Variants in CLEC18A observed in about 807,000 individuals in gnomAD.
CLEC18A encodes C-type lectin domain family 18 member A.
A neutral mutation model predicts 24.0 loss-of-function variants in CLEC18A; 5 were observed. The observed-to-expected ratio is 0.21, with a 90% CI of 0.11 to 0.44. The LOEUF is 0.44. CLEC18A is among the 20% of genes least tolerant of loss of function. CLEC18A has a pLI of 0.99. For synonymous variants in CLEC18A, 29 were observed against 100.1 expected, an observed-to-expected ratio of 0.29 and a Z score of 4.24; for missense variants, 83 against 233.4, an observed-to-expected ratio of 0.36 and a Z score of 4.20.
At chr16:69,950,988 G>A (rs1254208799), upstream of CLEC18A, 2 of 255,370 alleles carry the variant, frequency 7.8e-6, no homozygotes, top group Non-Finnish European at 1.6e-5. Flanking sequence ...CCAGGACACG[G>A]CCATCGGTCA....
upstream of CLEC18A, among the ~76,000 whole-genome samples, chr16:69,949,772 G>GATCA (rs1292618684): frequency 1.2e-4 from 16 of 129,256 alleles, no homozygotes; most frequent in African/African-American, 4.1e-4. Flanking sequence ...CCAGGAGTTG[G>GATCA]AGACCAGCCT....
upstream of CLEC18A, among the ~76,000 whole-genome samples, chr16:69,946,392 A>ATT (rs56112480): frequency 8.4e-3 from 703 of 83,776 alleles, no homozygotes; most frequent in African/African-American, 0.02. Context: ...ATGTGTATGG[A>ATT]TTTTTTTTTT....
chr16:69,954,698 T>G, intron 3 of CLEC18A, 125 bp downstream of exon 3: 1 of 1,493,730 alleles, frequency 6.7e-7, no homozygotes, highest in Non-Finnish European at 8.9e-7. Flanking sequence ...TGGTTTAGTT[T>G]TACTTTTTTT....
upstream of CLEC18A, among the ~76,000 whole-genome samples, chr16:69,946,020 G>C (rs1233913420): frequency 6.9e-6 from 1 of 144,706 alleles, no homozygotes; most frequent in Non-Finnish European, 1.5e-5. Flanking sequence ...TTAAACCGAA[G>C]GGGTGGAAGT....
upstream of CLEC18A, among the ~76,000 whole-genome samples, chr16:69,949,119 T>G (rs1008868614): frequency 3.8e-5 from 5 of 132,988 alleles, no homozygotes; most frequent in Non-Finnish European, 7.8e-5. Context: ...GCCCAGCTAA[T>G]TTTTGTATTT....
intron 3 of CLEC18A, among the ~76,000 whole-genome samples, chr16:69,955,192 A>G: frequency 6.7e-6 from 1 of 150,088 alleles, no homozygotes; most frequent in African/African-American, 2.5e-5. Flanking sequence ...TAGTAGAGAC[A>G]GGGTTTCACC....
chr16:69,945,627 A>G, the CLEC18A span, among the ~76,000 whole-genome samples: 1 of 152,268 alleles, frequency 6.6e-6, no homozygotes, highest in Middle Eastern at 3.2e-3. Flanking sequence ...GGCACATGCC[A>G]CCAAACCTGG....
chr16:69,962,998 C>T lies in CLEC18A; in HGVS notation c.1234C>T (p.Gln412Ter), dbSNP rs2059077211. 1 of 1,612,006 alleles carries T rather than the reference C, an allele frequency of 6.2e-7. No individual in the cohort carries two copies. The highest frequency in any genetic ancestry group is 1.1e-5 in the South Asian group (1 of 90,976). The part of the protein sequence containing the change: ...NHGFGNCVEL[Q>*]ASAAFNWNDQ... ...CAGGTTTGGCAACTGCGTGGAGCTG[C>T]AGGCTTCAGCTGCCTTCAACTGGAA... Residue 412 changes from glutamine to a stop codon, truncating the protein, a stop_gained, in exon 11 of 12, where the codon CAG becomes TAG. Transcript: ENST00000288040. LOFTEE classifies it high-confidence loss of function.
upstream of CLEC18A, among the ~76,000 whole-genome samples, chr16:69,948,652 CAAT>C (rs920448987): frequency 1.3e-5 from 2 of 149,800 alleles, no homozygotes; most frequent in African/African-American, 4.9e-5. Context: ...TGCCTTGCAA[CAAT>C]GAGGCTGCCC....
chr16:69,965,498 G>A (rs1380579107), downstream of CLEC18A, among the ~76,000 whole-genome samples: 1 of 151,460 alleles, frequency 6.6e-6, no homozygotes, highest in African/African-American at 2.4e-5. Context: ...AGGCCGGGGG[G>A]CGGTGGGGAC....
chr16:69,945,489 G>A, the CLEC18A span, among the ~76,000 whole-genome samples: 192 of 151,950 alleles, frequency 1.3e-3, no homozygotes, highest in African/African-American at 2.9e-3. Flanking sequence ...TTGCCTTTCC[G>A]TGCAAATTTT....
chr16:69,950,170 C>T (rs1312545738), upstream of CLEC18A, among the ~76,000 whole-genome samples: 2 of 124,222 alleles, frequency 1.6e-5, no homozygotes, highest in Non-Finnish European at 3.8e-5. Context: ...GCATCCATGA[C>T]GATAGCCACA....
chr16:69,951,741 A>AC (rs2058951691), intron 1 of CLEC18A: 1 of 278,778 alleles, frequency 3.6e-6, no homozygotes, highest in Non-Finnish European at 5.4e-6. Context: ...GGGCCTGGAG[A>AC]AATCCGTGGC....
chr16:69,965,856 C>CG (rs1424537228), downstream of CLEC18A, among the ~76,000 whole-genome samples: 1 of 58,384 alleles, frequency 1.7e-5, no homozygotes, highest in Non-Finnish European at 2.9e-5. Context: ...CGGCTCCCGC[C>CG]GGGCTGGGCC....
chr16:69,944,665 T>A, the CLEC18A span, among the ~76,000 whole-genome samples: 3 of 150,858 alleles, frequency 2.0e-5, no homozygotes, highest in Non-Finnish European at 4.4e-5. Context: ...TGAAACCCCA[T>A]CTCTACTAAA....
At chr16:69,964,254 G>C (rs1313800064), downstream of CLEC18A, 1 of 144,994 alleles carries the variant, frequency 6.9e-6, no homozygotes, top group South Asian at 2.4e-4. Context: ...GGGAGACGAC[G>C]CGTGTGTGTT....
downstream of CLEC18A, among the ~76,000 whole-genome samples, chr16:69,965,041 A>G (rs1478346622): frequency 6.6e-6 from 1 of 151,574 alleles, no homozygotes; most frequent in Admixed American, 6.5e-5. Context: ...TGCTCAAGCG[A>G]TCCGCCATCC....
chr16:69,954,261 G>A, intron 2 of CLEC18A, 73 bp from the exon 3 acceptor site: 1 of 1,557,532 alleles, frequency 6.4e-7, no homozygotes, highest in South Asian at 1.1e-5. Context: ...AGAGATGGCA[G>A]GGGAGTTGAA....
chr16:69,943,910 T>A, the CLEC18A span, among the ~76,000 whole-genome samples: 3 of 137,464 alleles, frequency 2.2e-5, no homozygotes, highest in African/African-American at 7.4e-5. Flanking sequence ...ACAGCAATTA[T>A]AAGAACAGCA....
Sources: allele counts gnomAD v4.1 joint callset (sites outside exome capture counted in the v4.1 genomes callset), GRCh38; gene constraint gnomAD v4.1.1; transcripts MANE v1.5; gene names NCBI Gene and HGNC (gene_info 2026-07-23, HGNC 2026-07-21).